The following REEP1 variants were observed in gnomAD, a reference collection of about 807,000 sequenced individuals.
The protein encoded by REEP1 is receptor expression-enhancing protein 1.
Under a neutral mutation model 40.3 loss-of-function variants are expected in REEP1, and 22 were observed. The observed-to-expected ratio is 0.55, with a 90% CI of 0.39 to 0.78. The LOEUF is 0.78. REEP1 is among the 30% of genes least tolerant of loss of function. REEP1 has a pLI of 0.00. For synonymous variants in REEP1, 116 were observed against 139.2 expected (o/e 0.83, Z 1.17); for missense variants, 280 against 361.1 (o/e 0.78, Z 1.82).
intron 1 of REEP1, among the ~76,000 whole-genome samples, chr2:86,291,547 T>C (rs1385079587): frequency 6.6e-6 from 1 of 152,068 alleles, no homozygotes. Context: ...AACTCTTCCT[T>C]GGGTAACCCA....
chr2:86,310,182 C>T (rs1679694123), intron 1 of REEP1, among the ~76,000 whole-genome samples: 1 of 152,206 alleles, frequency 6.6e-6, no homozygotes, highest in Non-Finnish European at 1.5e-5. Flanking sequence ...GAACTGGGCA[C>T]ATGCATGATG....
chr2:86,328,064 C>T (rs1305615743), intron 1 of REEP1, among the ~76,000 whole-genome samples: 1 of 152,162 alleles, frequency 6.6e-6, no homozygotes, highest in Non-Finnish European at 1.5e-5. Context: ...CTGGATTCCA[C>T]AACACGCAGC....
intron 1 of REEP1, among the ~76,000 whole-genome samples, chr2:86,297,417 G>C (rs1679038295): frequency 6.6e-6 from 1 of 152,258 alleles, no homozygotes; most frequent in Admixed American, 6.5e-5. Flanking sequence ...TGGAAATGCT[G>C]CACAGACTTG....
At chr2:86,242,307 C>A (rs1486510861) in intron 5 of REEP1, among the ~76,000 whole-genome samples, 1 of 152,146 alleles carries the variant, frequency 6.6e-6, no homozygotes, top group Non-Finnish European at 1.5e-5. Context: ...CTTTGGATAT[C>A]CTTGATTCTA....
At chr2:86,324,465 G>A (rs1680411251) in intron 1 of REEP1, among the ~76,000 whole-genome samples, 1 of 152,130 alleles carries the variant, frequency 6.6e-6, no homozygotes, top group Admixed American at 6.5e-5. Flanking sequence ...CCATCAGAAT[G>A]GCAAAAATTC....
In REEP1 at chr2:86,252,020, A is replaced by G; in HGVS notation, c.354T>C (p.Leu118=). The change falls in exon 5 of 9, where the codon CTT becomes CTC. Residue 118 remains leucine, a synonymous_variant. Coordinates refer to ENST00000538924, the MANE Select transcript of REEP1 (RefSeq NM_001371279.1). ...TCAAGCCCCGCTTCCCGAAGTGCAC[A>G]AGGGCATCGTAACTTCGGTCTTTTG... ...VQAKDRSYDA[L]VHFGKRGLNV... 1 of 1,614,092 alleles carries G rather than the reference A, an allele frequency of 6.2e-7. No individual in the cohort carries two copies. The highest frequency in any genetic ancestry group is 8.5e-7 in the Non-Finnish European group (1 of 1,180,018).
At chr2:86,232,896 T>A in intron 5 of REEP1, 94 bp from the exon 6 acceptor site, 1 of 1,278,578 alleles carries the variant, frequency 7.8e-7, no homozygotes, top group Non-Finnish European at 1.1e-6. Context: ...GTCAGCCAGG[T>A]GGAAATCAAG....
At chr2:86,245,966 A>C (rs111826699) in intron 5 of REEP1, among the ~76,000 whole-genome samples, 1 of 151,898 alleles carries the variant, frequency 6.6e-6, no homozygotes, top group Non-Finnish European at 1.5e-5. Flanking sequence ...GGGTTTCACC[A>C]TGTTAGCCAG....
chr2:86,326,397 A>T (rs867075257), intron 1 of REEP1, among the ~76,000 whole-genome samples: 1 of 152,204 alleles, frequency 6.6e-6, no homozygotes, highest in East Asian at 1.9e-4. Flanking sequence ...TTCCTTAACC[A>T]GTATAAGGAA....
chr2:86,220,091 A>G lies in REEP1; in HGVS notation c.662T>C (p.Met221Thr). The change falls in exon 8 of 9, where the codon ATG (methionine) becomes ACG (threonine). Residue 221 changes from methionine (M) to threonine (T), a missense_variant. Coordinates refer to ENST00000538924, the MANE Select transcript of REEP1 (RefSeq NM_001371279.1). ...VVEGDVNEGG[M>T]KAWEPHQVQN... ...GACCTGGTGGGGCTCCCATGCCTTC[A>G]TACCACCCTCATTCACATCTCCCTC... is the stretch of plus-strand genomic sequence containing the variant. 1 of 1,232,188 alleles carries G rather than the reference A, an allele frequency of 8.1e-7. No individual in the cohort carries two copies. The highest frequency in any genetic ancestry group is 1.0e-6 in the Non-Finnish European group (1 of 987,990). 76.3% of individuals were successfully genotyped at this position (1,232,188 alleles called of 1,614,324 possible).
At chr2:86,305,386 G>C (rs1459075456) in intron 1 of REEP1, among the ~76,000 whole-genome samples, 1 of 152,084 alleles carries the variant, frequency 6.6e-6, no homozygotes, top group East Asian at 1.9e-4. Context: ...CTGCACTCTG[G>C]TCTGCACCAG....
intron 5 of REEP1, among the ~76,000 whole-genome samples, chr2:86,237,498 T>G (rs1675426225): frequency 6.6e-6 from 1 of 152,162 alleles, no homozygotes; most frequent in Non-Finnish European, 1.5e-5. Flanking sequence ...TTTTATTTTC[T>G]TTCTCTCTTT....
At chr2:86,252,143 G>A in intron 4 of REEP1, 73 bp from the exon 5 acceptor site, 1 of 1,112,354 alleles carries the variant, frequency 9.0e-7, no homozygotes, top group Non-Finnish European at 1.4e-6. Context: ...CCTTTCCTCT[G>A]AGCATTGGGC....
intron 5 of REEP1, among the ~76,000 whole-genome samples, chr2:86,235,938 C>T (rs181973276): frequency 3.0e-4 from 46 of 152,252 alleles, no homozygotes; most frequent in African/African-American, 9.1e-4. Context: ...TATGCCTGAC[C>T]GGGCGCGGTG....
intron 2 of REEP1, among the ~76,000 whole-genome samples, chr2:86,274,946 C>A (rs919449585): frequency 5.9e-5 from 9 of 152,122 alleles, no homozygotes; most frequent in African/African-American, 1.2e-4. Context: ...CATTCTACCC[C>A]ACTGCCAGAG....
At chr2:86,227,233 T>G in intron 7 of REEP1, 130 bp downstream of exon 7, 1 of 659,678 alleles carries the variant, frequency 1.5e-6, no homozygotes, top group Non-Finnish European at 2.1e-6. Flanking sequence ...TTATAAAGGG[T>G]TAACCTCCTG....
At chr2:86,264,913 A>G (rs1574054145) in intron 2 of REEP1, among the ~76,000 whole-genome samples, 1 of 152,334 alleles carries the variant, frequency 6.6e-6, no homozygotes, top group East Asian at 1.9e-4. Flanking sequence ...CACTCTGCAC[A>G]TCATGGGGCA....
chr2:86,316,643 G>A (rs1488778282), intron 1 of REEP1, among the ~76,000 whole-genome samples: 1 of 151,502 alleles, frequency 6.6e-6, no homozygotes, highest in East Asian at 1.9e-4. Flanking sequence ...CAGATCACCT[G>A]AGGTCAGGAG....
intron 2 of REEP1, among the ~76,000 whole-genome samples, chr2:86,277,249 T>C (rs1677805192): frequency 1.3e-5 from 2 of 151,988 alleles, no homozygotes. Flanking sequence ...AGTACTGTCT[T>C]GTTCAGGGGT....
Sources: allele counts gnomAD v4.1 joint callset (sites outside exome capture counted in the v4.1 genomes callset), GRCh38; gene constraint gnomAD v4.1.1; transcripts MANE v1.5; gene names NCBI Gene and HGNC (gene_info 2026-07-23, HGNC 2026-07-21).